AIG1: variants seen among roughly 807,000 people sequenced by gnomAD.
AIG1 encodes the protein androgen induced 1.
AIG1 carries 23 observed loss-of-function variants against 31.4 expected under a neutral mutation model. The ratio of observed to expected loss-of-function variants is 0.73; its 90% CI spans 0.53 to 1.04. The LOEUF (loss-of-function observed/expected upper bound fraction) is 1.04. AIG1 is among the 50% of genes least tolerant of loss of function. The pLI is 0.00. For synonymous variants in AIG1, 100 were observed against 110.5 expected, an observed-to-expected ratio of 0.90 and a Z score of 0.60; for missense variants, 274 against 295.0, an observed-to-expected ratio of 0.93 and a Z score of 0.52.
chr6:143,190,454 G>A (rs969077866), intron 3 of AIG1: 1 of 985,328 alleles, frequency 1.0e-6, no homozygotes. Flanking sequence ...AGAGAAGTAG[G>A]GAGCTTATCA....
intron 3 of AIG1, among the ~76,000 whole-genome samples, chr6:143,283,452 A>G (rs1479841960): frequency 6.6e-6 from 1 of 152,260 alleles, no homozygotes; most frequent in Non-Finnish European, 1.5e-5. Context: ...TTAAAATCAT[A>G]TAGCCTTTGA....
chr6:143,234,838 T>C (rs1167070064), intron 3 of AIG1, among the ~76,000 whole-genome samples: 4 of 152,204 alleles, frequency 2.6e-5, no homozygotes, highest in African/African-American at 9.7e-5. Context: ...AAGTGGCCTT[T>C]CATGACTCAT....
intron 2 of AIG1, 132 bp from the exon 3 acceptor site, chr6:143,164,950 A>G: frequency 1.5e-6 from 1 of 649,194 alleles, no homozygotes; most frequent in Non-Finnish European, 2.7e-6. Context: ...TCCAATCATT[A>G]GCTGGTTTAC....
intron 1 of AIG1, among the ~76,000 whole-genome samples, chr6:143,066,211 T>G (rs563906791): frequency 6.4e-4 from 97 of 152,348 alleles, no homozygotes; most frequent in African/African-American, 2.2e-3. Flanking sequence ...GTTGCATTGT[T>G]TTTTCATTTA....
At chr6:143,059,309 T>C (rs960478155), upstream of AIG1, among the ~76,000 whole-genome samples, 8 of 152,180 alleles carry the variant, frequency 5.3e-5, no homozygotes, top group African/African-American at 1.9e-4. Context: ...TGTGCCATCT[T>C]TAAGAGCTGT....
intron 3 of AIG1, among the ~76,000 whole-genome samples, chr6:143,198,426 T>C (rs939801014): frequency 6.6e-6 from 1 of 152,236 alleles, no homozygotes; most frequent in African/African-American, 2.4e-5. Context: ...CAGACAACGT[T>C]TGATTATCTG....
At position 143,255,328 on chromosome 6, in the gene AIG1, G is replaced by A. The variant is rs116614339; in HGVS notation, c.400-28782G>A. 7.6e-3 allele frequency among the ~76,000 whole-genome samples: 1,151 copies of A among 152,266 alleles called. 14 individuals are homozygous for A. Among genetic ancestry groups the A allele is most frequent in the African/African-American group, 0.026 (1,097 of 41,540 alleles). Reference sequence around the variant, plus strand: ...AAACAACAGAAATTTGTTTTCCCACGTATCTGGAGGCTGGAAGCCCAAGAT... The same window carrying A: ...AAACAACAGAAATTTGTTTTCCCACATATCTGGAGGCTGGAAGCCCAAGAT... On this transcript the variant is annotated intron_variant, in intron 3 of 5. Transcript: ENST00000357847.
At chr6:143,097,079 A>G (rs775788898) in intron 1 of AIG1, among the ~76,000 whole-genome samples, 2 of 152,214 alleles carry the variant, frequency 1.3e-5, no homozygotes, top group Admixed American at 6.5e-5. Flanking sequence ...AAAAATTGCC[A>G]TTAGTGACCT....
At chr6:143,068,081 C>T (rs1776885702) in intron 1 of AIG1, among the ~76,000 whole-genome samples, 1 of 152,178 alleles carries the variant, frequency 6.6e-6, no homozygotes, top group Non-Finnish European at 1.5e-5. Context: ...CACCCATTCC[C>T]TCTTAGTTGC....
chr6:143,287,702 G>T (rs376005285), intron 4 of AIG1, among the ~76,000 whole-genome samples: 1 of 115,154 alleles, frequency 8.7e-6, no homozygotes, highest in Admixed American at 1.2e-4. Context: ...CACTGTTATT[G>T]TATATAAAGC....
intron 3 of AIG1, among the ~76,000 whole-genome samples, chr6:143,266,847 G>A (rs551137768): frequency 2.9e-4 from 44 of 152,278 alleles, no homozygotes; most frequent in African/African-American, 1.0e-3. Flanking sequence ...AGGCTGAAGT[G>A]GAAGGATTGC....
At chr6:143,217,361 A>C (rs1295689224) in intron 3 of AIG1, among the ~76,000 whole-genome samples, 2 of 152,180 alleles carry the variant, frequency 1.3e-5, no homozygotes, top group African/African-American at 4.8e-5. Context: ...TGTGATTATA[A>C]ATTATTGAGG....
intron 3 of AIG1, among the ~76,000 whole-genome samples, chr6:143,221,895 C>G (rs192794952): frequency 6.6e-6 from 1 of 152,148 alleles, no homozygotes; most frequent in Non-Finnish European, 1.5e-5. Context: ...GTGGAGCATG[C>G]AGTTTTCTGG....
At chr6:143,317,515 A>G (rs1307935144) in intron 4 of AIG1, among the ~76,000 whole-genome samples, 2 of 152,192 alleles carry the variant, frequency 1.3e-5, no homozygotes, top group East Asian at 3.8e-4. Flanking sequence ...TTAATGTAAT[A>G]AAGCCATCTA....
At chr6:143,156,591 G>A (rs1785784472) in intron 2 of AIG1, among the ~76,000 whole-genome samples, 1 of 152,138 alleles carries the variant, frequency 6.6e-6, no homozygotes, top group Admixed American at 6.5e-5. Flanking sequence ...GCACTTCTAC[G>A]TGAATGGTGT....
chr6:143,102,789 A>G (rs556578361), intron 1 of AIG1, among the ~76,000 whole-genome samples: 2 of 152,188 alleles, frequency 1.3e-5, no homozygotes, highest in East Asian at 3.9e-4. Context: ...ACACATGTAG[A>G]CATGTCAAAA....
At chr6:143,172,237 T>A (rs542754111) in intron 3 of AIG1, among the ~76,000 whole-genome samples, 1 of 152,334 alleles carries the variant, frequency 6.6e-6, no homozygotes, top group South Asian at 2.1e-4. Flanking sequence ...GCTTTTGGGT[T>A]CTTGGTCACG....
intron 3 of AIG1, chr6:143,188,276 T>C (rs1789458674): frequency 2.0e-6 from 2 of 986,290 alleles, no homozygotes; most frequent in Admixed American, 6.1e-5. Context: ...CTGTTGCCGC[T>C]GTTTAAACAT....
chr6:143,087,192 T>C (rs927458149), intron 1 of AIG1, among the ~76,000 whole-genome samples: 4 of 152,234 alleles, frequency 2.6e-5, no homozygotes, highest in South Asian at 4.1e-4. Flanking sequence ...AGAATCCCAG[T>C]ACGGTCTACC....
Sources: gnomAD v4.1 joint callset for allele counts (sites outside exome capture counted in the v4.1 genomes callset) on GRCh38, gnomAD v4.1.1 for gene constraint, MANE v1.5 for transcripts, NCBI Gene and HGNC (gene_info 2026-07-23, HGNC 2026-07-21) for gene names.